The following PKD1L1 variants were observed in gnomAD, a reference collection of about 807,000 sequenced individuals.
PKD1L1 encodes the protein polycystin-1-like protein 1.
PKD1L1 carries 236 observed loss-of-function variants against 323.4 expected under a neutral mutation model. The ratio of observed to expected loss-of-function variants is 0.73; its 90% confidence interval spans 0.66 to 0.81. PKD1L1 has a LOEUF of 0.81. Ranked by LOEUF, PKD1L1 falls within the 40% of genes least tolerant of loss-of-function variation. The pLI is 0.00. For missense variants in PKD1L1, 3,320 were observed against 3,508.0 expected (o/e 0.95, Z 1.35); for synonymous variants, 1,344 against 1,335.0 (o/e 1.01, Z -0.15).
In PKD1L1 at chr7:47,840,742, C is replaced by G. The variant is rs1460737226; in HGVS notation, c.5446-175G>C. Among the ~76,000 whole-genome samples, 1 of 152,254 alleles carries G rather than the reference C, an allele frequency of 6.6e-6. No homozygotes were observed. The highest frequency in any genetic ancestry group is 1.5e-5 in the Non-Finnish European group (1 of 68,046). On this transcript the variant is annotated intron_variant, in intron 34 of 56. Coordinates refer to ENST00000289672, the MANE Select transcript of PKD1L1 (RefSeq NM_138295.5). This position sits in a 1 kb window ranked among gnomAD's most constrained non-coding sequence, Gnocchi z 4.1. ...ATGAGTGGGCACGTCCAGTCCCAGGCTTCCCTGGAGAGCCAGAGGAGAGCC... is the reference window on the plus strand; with the variant it reads ...ATGAGTGGGCACGTCCAGTCCCAGGGTTCCCTGGAGAGCCAGAGGAGAGCC...
At chr7:47,787,754 C>G (rs1386715203) in intron 56 of PKD1L1, among the ~76,000 whole-genome samples, 1 of 152,148 alleles carries the variant, frequency 6.6e-6, no homozygotes, top group Non-Finnish European at 1.5e-5. Flanking sequence ...CTCTGTTTCC[C>G]AGGCTGGAGT....
At chr7:47,861,277 G>T (rs1313529522) in intron 26 of PKD1L1, among the ~76,000 whole-genome samples, 1 of 152,172 alleles carries the variant, frequency 6.6e-6, no homozygotes, top group Non-Finnish European at 1.5e-5. Context: ...TGCACAAAAA[G>T]AAATTACAAA....
chr7:47,906,908 G>T (rs1016503625), intron 9 of PKD1L1, among the ~76,000 whole-genome samples: 4 of 151,166 alleles, frequency 2.6e-5, no homozygotes, highest in African/African-American at 9.8e-5. Flanking sequence ...AAAAAAAAAA[G>T]ATATAGTTTA....
In PKD1L1 at chr7:47,830,115, C is replaced by G; in HGVS notation, c.6483G>C (p.Gln2161His). The G allele has an allele frequency of 6.2e-7, 1 of 1,613,972 alleles. No homozygotes were observed. ...GGTGCAGCCACTGCACACATTGCTC[C>G]TGGCCAAACCTGCCCCCAGGGAAAG... Reference protein sequence around the residue: ...GTGFLAYRFGQEQCVQWLHLL... With the variant: ...GTGFLAYRFGHEQCVQWLHLL... The change falls in exon 43 of 57, where the codon CAG becomes CAC. Residue 2161 changes from glutamine to histidine, a missense_variant. Transcript: ENST00000289672.
chr7:47,934,744 A>C (rs1400056913), intron 4 of PKD1L1, among the ~76,000 whole-genome samples: 1 of 152,150 alleles, frequency 6.6e-6, no homozygotes, highest in Non-Finnish European at 1.5e-5. Flanking sequence ...GCCTCAGAAC[A>C]GGGACTGGCT....
Position 47,929,189 on chromosome 7 carries a change from C to T in PKD1L1, c.1060+15G>A, listed in dbSNP as rs1202144513. The T allele has an allele frequency of 6.2e-7, 1 of 1,609,936 alleles. No homozygotes were observed. Among genetic ancestry groups the T allele is most frequent in the Admixed American group, 1.7e-5 (1 of 59,850 alleles). ...CTCCTTCCCAGGCTCCTGATAAGGA[C>T]ACCATGCACCTTACCTTTTGAGTAC... On this transcript the variant is annotated intron_variant, in intron 7 of 56. Coordinates refer to ENST00000289672, the MANE Select transcript of PKD1L1 (RefSeq NM_138295.5).
chr7:47,848,721 C>T (rs1298850477), intron 31 of PKD1L1, among the ~76,000 whole-genome samples: 2 of 152,190 alleles, frequency 1.3e-5, no homozygotes, highest in African/African-American at 2.4e-5. Flanking sequence ...AGGAGAATCA[C>T]TTGAACCCAG....
At chr7:47,918,850 T>G (rs1787481457) in intron 7 of PKD1L1, among the ~76,000 whole-genome samples, 1 of 152,152 alleles carries the variant, frequency 6.6e-6, no homozygotes, top group Non-Finnish European at 1.5e-5. Context: ...TATCAAAACC[T>G]CTGGGACACA....
the PKD1L1 span, among the ~76,000 whole-genome samples, chr7:47,956,261 C>A: frequency 2.0e-5 from 3 of 152,218 alleles, no homozygotes; most frequent in African/African-American, 7.2e-5. Flanking sequence ...GAATCAGTTT[C>A]TACAGTGGGA....
chr7:47,789,913 G>A (rs186462186), intron 56 of PKD1L1, among the ~76,000 whole-genome samples: 371 of 152,116 alleles, frequency 2.4e-3, no homozygotes, highest in African/African-American at 8.3e-3. Context: ...TTTTGAGGCA[G>A]AGTCTCACTC....
At chr7:47,925,262 C>T (rs1014481237) in intron 7 of PKD1L1, among the ~76,000 whole-genome samples, 3 of 152,166 alleles carry the variant, frequency 2.0e-5, no homozygotes, top group African/African-American at 4.8e-5. Context: ...ATAATCCCAA[C>T]ACTTTGGGAG....
rs758842018 is a variant in PKD1L1, at chr7:47,882,099, C to G, written c.3266-14G>C. Reference sequence around the variant, plus strand: ...TGGTGTCCTTAGCTAGGAAGATAAACCAAGCCAATAGATGTTAAAGAAAAA... The same window carrying G: ...TGGTGTCCTTAGCTAGGAAGATAAAGCAAGCCAATAGATGTTAAAGAAAAA... On this transcript the variant is annotated splice_polypyrimidine_tract_variant and intron_variant, in intron 19 of 56. Coordinates refer to ENST00000289672, the MANE Select transcript of PKD1L1 (RefSeq NM_138295.5). The G allele has an allele frequency of 3.7e-6, 6 of 1,611,642 alleles. No individual in the cohort carries two copies. Among genetic ancestry groups the G allele is most frequent in the African/African-American group, 1.3e-5 (1 of 74,720 alleles).
chr7:47,790,573 C>T lies in PKD1L1; in HGVS notation c.8526+2054G>A, dbSNP rs183138314. 3.4e-3 allele frequency among the ~76,000 whole-genome samples: 514 copies of T among 152,086 alleles called. 3 individuals carry two copies. Among genetic ancestry groups the T allele is most frequent in the Non-Finnish European group, 5.6e-3 (382 of 68,002 alleles). Reference sequence around the variant, plus strand: ...GTCTTGATCTCCTGACCTCGTGATCCGCCCACCTCGGCCTCCCAAAGTGCT... The same window carrying T: ...GTCTTGATCTCCTGACCTCGTGATCTGCCCACCTCGGCCTCCCAAAGTGCT... On this transcript the variant is annotated intron_variant, in intron 56 of 56. Transcript: ENST00000289672.
intron 34 of PKD1L1, among the ~76,000 whole-genome samples, chr7:47,841,469 C>T (rs1204134913): frequency 2.0e-5 from 3 of 152,164 alleles, no homozygotes; most frequent in Non-Finnish European, 2.9e-5. Context: ...CTCTTGTATT[C>T]TTTTCTACCT....
Position 47,808,338 on chromosome 7 carries a change from A to C in PKD1L1, c.7736T>G (p.Leu2579Arg). The C allele has an allele frequency of 6.2e-7, 1 of 1,614,214 alleles. No individual in the cohort carries two copies. ...SLTYYAVSGH[L>R]VTLAGDVTNQ... is the part of the protein sequence containing the mutation. ...AGTGACATCTCCAGCAAGAGTAACA[A>C]GGTGGCCGGAAACTGCATAGTAGGT... is the stretch of plus-strand genomic sequence containing the variant. Residue 2579 changes from leucine to arginine, a missense_variant, in exon 52 of 57, where the codon CTT becomes CGT. Physicochemically the swap from Leu to Arg is moderately radical, Grantham distance 102. Transcript: ENST00000289672.
At chr7:47,835,551 C>T (rs1785439846) in intron 37 of PKD1L1, among the ~76,000 whole-genome samples, 1 of 152,054 alleles carries the variant, frequency 6.6e-6, no homozygotes, top group African/African-American at 2.4e-5. Context: ...CAGGCATGCA[C>T]CACCACGCCC....
At chr7:47,864,874 C>T (rs978748543) in intron 26 of PKD1L1, among the ~76,000 whole-genome samples, 11 of 151,754 alleles carry the variant, frequency 7.2e-5, no homozygotes, top group African/African-American at 1.5e-4. Flanking sequence ...ATTACAGGTG[C>T]GCGCCACCAT....
At chr7:47,877,446 C>T in intron 22 of PKD1L1, 43 bp downstream of exon 22, 2 of 1,605,968 alleles carry the variant, frequency 1.2e-6, no homozygotes, top group Non-Finnish European at 1.7e-6. Flanking sequence ...CCAGATGCCA[C>T]TGTCGGGGGT....
chr7:47,806,216 C>T lies in PKD1L1; in HGVS notation c.7827+2031G>A, dbSNP rs534878175. Among the ~76,000 whole-genome samples, 423 of 152,294 alleles carry T rather than the reference C, an allele frequency of 2.8e-3. 1 individual carries two copies. The highest frequency in any genetic ancestry group is 5.4e-3 in the South Asian group (26 of 4,826). Reference sequence around the variant, plus strand: ...ATGCTTCTAGAAAACCTCCCCTGTCCGCATCAGGTGAAAAGAACATCCTAC... The same window carrying T: ...ATGCTTCTAGAAAACCTCCCCTGTCTGCATCAGGTGAAAAGAACATCCTAC... On this transcript the variant is annotated intron_variant, in intron 52 of 56. Coordinates refer to ENST00000289672, the MANE Select transcript of PKD1L1 (RefSeq NM_138295.5).
Sources: allele counts gnomAD v4.1 joint callset (sites outside exome capture counted in the v4.1 genomes callset), GRCh38; gene constraint gnomAD v4.1.1; non-coding constraint Gnocchi (gnomAD v3.1); transcripts MANE v1.5; gene names NCBI Gene and HGNC (gene_info 2026-07-23, HGNC 2026-07-21).